Variants in SEC22C observed in about 807,000 individuals in gnomAD.
SEC22C encodes vesicle-trafficking protein SEC22c.
SEC22C carries 29 observed loss-of-function variants against 34.7 expected under a neutral mutation model. That is an observed-to-expected ratio of 0.84 (90% confidence interval 0.62 to 1.14). SEC22C has a LOEUF of 1.14. Among genes scored for constraint, SEC22C ranks in the 50% most tolerant of loss-of-function variants. The probability of loss-of-function intolerance (pLI) is 0.00; values close to 1 mark genes in which losing one functional copy is unlikely to be tolerated. For synonymous variants in SEC22C, 117 were observed against 132.8 expected (o/e 0.88, Z 0.82); for missense variants, 337 against 369.0 (o/e 0.91, Z 0.71).
At chr3:42,591,201 CTT>C (rs71616053) in intron 1 of SEC22C, 6,071 of 478,546 alleles carry the variant, frequency 0.013, no homozygotes, top group Middle Eastern at 0.017. Context: ...CCTTTCTCTC[CTT>C]TTTTTTTTTT....
At chr3:42,588,324 G>A (rs576993928) in intron 1 of SEC22C, among the ~76,000 whole-genome samples, 1 of 152,134 alleles carries the variant, frequency 6.6e-6, no homozygotes, top group Admixed American at 6.5e-5. Flanking sequence ...AGAATTGCTT[G>A]AACCTGGGAG....
At chr3:42,600,563 TGCGTACGCC>T (rs1705271434) in intron 1 of SEC22C, 3 of 124,198 alleles carry the variant, frequency 2.4e-5, no homozygotes, top group African/African-American at 1.0e-4. Context: ...TACGCCCCCG[TGCGTACGCC>T]CCCGCTGCCG....
rs778297713 is a variant in SEC22C, at chr3:42,561,133, C to G, written c.510G>C (p.Pro170=). 3.5e-5 allele frequency: 57 copies of G among 1,613,688 alleles called. No homozygotes were observed. Among genetic ancestry groups the G allele is most frequent in the Non-Finnish European group, 4.7e-5 (55 of 1,179,624 alleles). The change falls in exon 4 of 7, where the codon CCG becomes CCC. Residue 170 remains proline, a synonymous_variant. Transcript: ENST00000264454. The part of the protein sequence containing the change: ...VANGVMNGHT[P]MHLEPAPNFR... ...GCCACTTACCAGGCTCCAAGTGCAT[C>G]GGTGTGTGACCATTCATCACCCCAT... is the stretch of plus-strand genomic sequence containing the variant.
At chr3:42,571,012 G>C (rs1364549039) in intron 1 of SEC22C, among the ~76,000 whole-genome samples, 2 of 152,142 alleles carry the variant, frequency 1.3e-5, no homozygotes, top group Non-Finnish European at 2.9e-5. Context: ...AAATAAGAAA[G>C]GTACTTTTTT....
intron 4 of SEC22C, among the ~76,000 whole-genome samples, chr3:42,560,809 T>G (rs1288894242): frequency 6.6e-6 from 1 of 151,970 alleles, no homozygotes; most frequent in African/African-American, 2.4e-5. Flanking sequence ...TGGCTAATTT[T>G]TTGTATTTTT....
At chr3:42,559,680 A>G (rs1225615556) in intron 4 of SEC22C, among the ~76,000 whole-genome samples, 1 of 152,270 alleles carries the variant, frequency 6.6e-6, no homozygotes, top group Non-Finnish European at 1.5e-5. Flanking sequence ...AGACTATTAT[A>G]GTGTAGACAC....
At chr3:42,555,076 T>C (rs987890836) in intron 6 of SEC22C, among the ~76,000 whole-genome samples, 6 of 152,122 alleles carry the variant, frequency 3.9e-5, no homozygotes, top group Non-Finnish European at 5.9e-5. Flanking sequence ...TCGGGCGTGG[T>C]GGCTCATGCC....
chr3:42,569,472 C>A (rs377544021), intron 1 of SEC22C, among the ~76,000 whole-genome samples: 1 of 152,092 alleles, frequency 6.6e-6, no homozygotes, highest in African/African-American at 2.4e-5. Flanking sequence ...ACTGAAGCAG[C>A]GAGGATTGAT....
At chr3:42,553,827 T>C (rs1335015390) in intron 6 of SEC22C, among the ~76,000 whole-genome samples, 2 of 152,026 alleles carry the variant, frequency 1.3e-5, no homozygotes, top group Non-Finnish European at 2.9e-5. Flanking sequence ...CCCAGTGAAG[T>C]TTTTCTTCAG....
Position 42,550,037 on chromosome 3 carries a change from CAG to C in SEC22C, c.*3209_*3210del, listed in dbSNP as rs1186921441. The stretch of plus-strand genomic sequence containing the variant: ...TCTCATCACAGTAAGACTAGCCTAA[CAG>C]GGGAAAACAGATTTACATGTTTCGT... On this transcript the variant is annotated 3_prime_UTR_variant, in exon 7 of 7. Transcript: ENST00000264454. 3.0e-6 allele frequency: 3 copies of C among 985,424 alleles called. No homozygotes were observed. The highest frequency in any genetic ancestry group is 2.3e-4 in the East Asian group (2 of 8,812). The allele number at this position is 985,424 out of a possible 1,614,324, so 61.0% of individuals were successfully genotyped here.
At chr3:42,591,654 G>C in intron 1 of SEC22C, 1 of 1,194,802 alleles carries the variant, frequency 8.4e-7, no homozygotes, top group Non-Finnish European at 1.3e-6. Flanking sequence ...GGAAGCCTGT[G>C]TGATGCGGTG....
chr3:42,551,908 A>G lies in SEC22C; in HGVS notation c.*1340T>C. 1.0e-6 allele frequency: 1 copy of G among 985,306 alleles called. No homozygotes were observed. Among genetic ancestry groups the G allele is most frequent in the Non-Finnish European group, 1.2e-6 (1 of 829,802 alleles). The allele number at this position is 985,306 out of a possible 1,614,324, so 61.0% of individuals were successfully genotyped here. ...ATCAAAATAGGATTTTTAAAAATTT[A>G]TCAAGACCACATAATGCAGTTGAAC... is the stretch of plus-strand genomic sequence containing the variant. On this transcript the variant is annotated 3_prime_UTR_variant, in exon 7 of 7. Transcript: ENST00000264454.
In SEC22C at chr3:42,553,450, T is replaced by A. The variant is rs1308540539; in HGVS notation, c.712-2A>T. The A allele has an allele frequency of 6.2e-7, 1 of 1,612,912 alleles. No individual in the cohort carries two copies. The highest frequency in any genetic ancestry group is 1.1e-5 in the South Asian group (1 of 90,784). On this transcript the variant is annotated splice_acceptor_variant, in intron 6 of 6. Coordinates refer to ENST00000264454, the MANE Select transcript of SEC22C (RefSeq NM_032970.4). LOFTEE classifies it high-confidence loss of function. ...ACTGTAGAACAGGTACAAATAACACTGAAATGAGACCAGAAGAGGAATTCC... is the reference window on the plus strand; with the variant it reads ...ACTGTAGAACAGGTACAAATAACACAGAAATGAGACCAGAAGAGGAATTCC...
rs1019800928 is a variant in SEC22C at position 42,591,093 on chromosome 3, G to A, written c.-28+9867C>T. Reference sequence around the variant, plus strand: ...CTGTGAAGGGTGCTGAGCAGCCGGGGTGCGGGGTGAGATGGGCACGAAATC... The same window carrying A: ...CTGTGAAGGGTGCTGAGCAGCCGGGATGCGGGGTGAGATGGGCACGAAATC... On this transcript the variant is annotated intron_variant, in intron 1 of 6. Coordinates refer to the SEC22C transcript ENST00000417572. 3.6e-6 allele frequency: 4 copies of A among 1,113,176 alleles called. No homozygotes were observed. In the African/African-American group the frequency reaches 4.6e-5, roughly 13 times the overall value. The allele number at this position is 1,113,176 out of a possible 1,614,324, so 69.0% of individuals were successfully genotyped here.
At chr3:42,559,060 T>C (rs1702719853) in intron 4 of SEC22C, among the ~76,000 whole-genome samples, 1 of 152,248 alleles carries the variant, frequency 6.6e-6, no homozygotes, top group Non-Finnish European at 1.5e-5. Context: ...TCTAGAACTA[T>C]AATTAGAACA....
At chr3:42,560,164 T>C (rs1001181235) in intron 4 of SEC22C, among the ~76,000 whole-genome samples, 1 of 145,624 alleles carries the variant, frequency 6.9e-6, no homozygotes, top group African/African-American at 2.5e-5. Flanking sequence ...ATATATATTA[T>C]ATATATTTTA....
At position 42,595,401 on chromosome 3, in the gene SEC22C, T is replaced by C. The variant is rs552219827; in HGVS notation, c.-28+5559A>G. Among the ~76,000 whole-genome samples the C allele has an allele frequency of 2.6e-5, 4 of 152,374 alleles. No homozygotes were observed. In the East Asian group the frequency reaches 7.7e-4, roughly 29 times the overall value. ...TAATTATGTGCCACTATCATCCACT[T>C]TTCCTGTAAACTAGTAGATCTAGAG... On this transcript the variant is annotated intron_variant, in intron 1 of 6. Transcript: ENST00000417572.
chr3:42,571,068 A>C (rs769602989), intron 1 of SEC22C, among the ~76,000 whole-genome samples: 4 of 152,250 alleles, frequency 2.6e-5, no homozygotes, highest in Non-Finnish European at 5.9e-5. Flanking sequence ...AGCAGTGTGC[A>C]CTGACTCCAA....
Position 42,569,073 on chromosome 3 carries a change from C to T in SEC22C, c.-27G>A. On this transcript the variant is annotated splice_region_variant and 5_prime_UTR_variant, in exon 2 of 7. In the 5' UTR this introduces an upstream ATG that the reference lacks. Transcript: ENST00000264454. ...GTCCACAAGAGAAGTCATGAGGACA[C>T]CTGAGGAAAGCAAGGTCACCTTGTT... 6.2e-7 allele frequency: 1 copy of T among 1,603,448 alleles called. No individual in the cohort carries two copies. Among genetic ancestry groups the T allele is most frequent in the Non-Finnish European group, 8.5e-7 (1 of 1,173,082 alleles).
Sources: gnomAD v4.1 joint callset for allele counts (sites outside exome capture counted in the v4.1 genomes callset) on GRCh38, gnomAD v4.1.1 for gene constraint, MANE v1.5 for transcripts, NCBI Gene and HGNC (gene_info 2026-07-23, HGNC 2026-07-21) for gene names.